TRMT10C: variants seen among roughly 807,000 people sequenced by gnomAD.
TRMT10C encodes tRNA methyltransferase 10C, mitochondrial RNase P subunit.
A neutral mutation model predicts 27.4 loss-of-function variants in TRMT10C; 14 were observed. That is an observed-to-expected ratio of 0.51 (90% CI 0.34 to 0.80). The LOEUF is 0.80. Ranked by LOEUF, TRMT10C falls within the 30% of genes least tolerant of loss-of-function variation. TRMT10C has a pLI of 0.02. For missense variants in TRMT10C, 438 were observed against 464.8 expected, an observed-to-expected ratio of 0.94 and a Z score of 0.53; for synonymous variants, 143 against 155.9, an observed-to-expected ratio of 0.92 and a Z score of 0.62.
Position 101,565,520 on chromosome 3 carries a change from A to G in TRMT10C, c.739A>G (p.Asn247Asp). The change falls in exon 2 of 2, where the codon AAT becomes GAT. Residue 247 changes from asparagine to aspartate, a missense_variant. Physicochemically the swap from Asn to Asp is conservative, Grantham distance 23. Transcript: ENST00000309922. ...TGATCCTTTCCATATTTATTTCTGC[A>G]ATCTAAAAATAGATGGTGCTTTGCA... ...NVDPFHIYFCNLKIDGALHRE... is the reference protein window; with the variant it reads ...NVDPFHIYFCDLKIDGALHRE... 6.2e-7 allele frequency: 1 copy of G among 1,613,490 alleles called. No homozygotes were observed.
intron 1 of TRMT10C, among the ~76,000 whole-genome samples, chr3:101,563,865 T>C (rs893374355): frequency 6.6e-6 from 1 of 152,340 alleles, no homozygotes; most frequent in African/African-American, 2.4e-5. Context: ...ATTTTCTTTG[T>C]TAATAACATT....
Position 101,565,276 on chromosome 3 carries a change from G to C in TRMT10C, c.495G>C (p.Leu165=), listed in dbSNP as rs1397093603. 1.2e-6 allele frequency: 2 copies of C among 1,612,650 alleles called. No homozygotes were observed. Among genetic ancestry groups the C allele is most frequent in the African/African-American group, 1.3e-5 (1 of 74,868 alleles). ...GGGAAGAAGCAAAAAATATCAAGCT[G>C]CTAGAAACCACTGAGGAAGATAAAC... ...AAREEAKNIK[L]LETTEEDKQK... is the part of the protein sequence containing the mutation. Residue 165 remains leucine, a synonymous_variant, in exon 2 of 2, where the codon CTG becomes CTC. Transcript: ENST00000309922.
Position 101,565,059 on chromosome 3 carries a change from C to T in TRMT10C, c.278C>T (p.Ala93Val), listed in dbSNP as rs1221441679. 3.7e-6 allele frequency: 6 copies of T among 1,613,808 alleles called. No homozygotes were observed. In the South Asian group the frequency reaches 4.4e-5, roughly 12 times the overall value. ...AGTAAGGATGAAGATCCTCTAGCTG[C>T]CACCAGAGAGTTCATTGAGATGTGG... ...SSSKDEDPLAATREFIEMWRL... is the reference protein window; with the variant it reads ...SSSKDEDPLAVTREFIEMWRL... Residue 93 changes from alanine to valine, a missense_variant, in exon 2 of 2, where the codon GCC becomes GTC. Ala to Val is a moderately conservative substitution (Grantham distance 64). Transcript: ENST00000309922.
chr3:101,565,723 T>TA lies in TRMT10C; in HGVS notation c.944dup (p.Ser316GlufsTer19). On this transcript the variant is annotated frameshift_variant, in exon 2 of 2. Coordinates refer to ENST00000309922, the MANE Select transcript of TRMT10C (RefSeq NM_017819.4). LOFTEE classifies it high-confidence loss of function. ...TTTATGTAATTGGGTCTTTTGTTGA[T>TA]AAGAGTATGCAGCCAGGCACATCCC... is the stretch of plus-strand genomic sequence containing the variant. The TA allele has an allele frequency of 6.2e-7, 1 of 1,614,200 alleles. No homozygotes were observed. Among genetic ancestry groups the TA allele is most frequent in the African/African-American group, 1.3e-5 (1 of 75,060 alleles).
In TRMT10C at chr3:101,565,427, A is replaced by C. The variant is rs1934494900; in HGVS notation, c.646A>C (p.Lys216Gln). 2 of 1,614,084 alleles carry C rather than the reference A, an allele frequency of 1.2e-6. No homozygotes were observed. Among genetic ancestry groups the C allele is most frequent in the Non-Finnish European group, 1.7e-6 (2 of 1,180,030 alleles). ...VFDMAYENYMKRKELQNTVSQ... is the reference protein window; with the variant it reads ...VFDMAYENYMQRKELQNTVSQ... Reference sequence around the variant, plus strand: ...TGACATGGCTTACGAAAATTATATGAAACGAAAAGAATTGCAGAATACTGT... The same window carrying C: ...TGACATGGCTTACGAAAATTATATGCAACGAAAAGAATTGCAGAATACTGT... Residue 216 changes from lysine to glutamine, a missense_variant, in exon 2 of 2, where the codon AAA becomes CAA. Transcript: ENST00000309922.
At position 101,564,825 on chromosome 3, in the gene TRMT10C, G is replaced by A; in HGVS notation, c.44G>A (p.Arg15Lys). 2 of 1,609,376 alleles carry A rather than the reference G, an allele frequency of 1.2e-6. No homozygotes were observed. Among genetic ancestry groups the A allele is most frequent in the Non-Finnish European group, 1.7e-6 (2 of 1,177,260 alleles). Residue 15 changes from arginine (R) to lysine (K), a missense_variant, in exon 2 of 2, where the codon AGA (arginine) becomes AAA (lysine). By Grantham distance (26) the Arg-to-Lys change is conservative (BLOSUM62 2). This residue lies in a region of TRMT10C where 350 missense variants were observed against 370.5 expected (regional missense o/e 0.94). Coordinates refer to ENST00000309922, the MANE Select transcript of TRMT10C (RefSeq NM_017819.4). The stretch of plus-strand genomic sequence containing the variant: ...ATGAGTGTTAGTGTCAATTTCTTCA[G>A]ACCTTTCACCAGGTTTTTGGTGCCA... ...LKMSVSVNFF[R>K]PFTRFLVPFT... is the part of the protein sequence containing the mutation.
Position 101,564,556 on chromosome 3 carries a change from G to A in TRMT10C, c.-12-214G>A, listed in dbSNP as rs527775258. Among the ~76,000 whole-genome samples the A allele has an allele frequency of 1.7e-4, 26 of 152,082 alleles. No individual in the cohort carries two copies. In the East Asian group the frequency reaches 4.3e-3, roughly 25 times the overall value. ...ATTACAGGCATGAGCCACTGCGCCC[G>A]GCCAAGAACCCAACTAAGTTTTAAA... is the stretch of plus-strand genomic sequence containing the variant. On this transcript the variant is annotated intron_variant, in intron 1 of 1. Coordinates refer to ENST00000309922, the MANE Select transcript of TRMT10C (RefSeq NM_017819.4).
At position 101,565,924 on chromosome 3, in the gene TRMT10C, T is replaced by A; in HGVS notation, c.1143T>A (p.His381Gln). 3 of 1,613,720 alleles carry A rather than the reference T, an allele frequency of 1.9e-6. No individual in the cohort carries two copies. The highest frequency in any genetic ancestry group is 2.5e-6 in the Non-Finnish European group (3 of 1,179,760). The change falls in exon 2 of 2, where the codon CAT (histidine) becomes CAA (glutamine). Residue 381 changes from histidine to glutamine, a missense_variant. Physicochemically the swap from His to Gln is conservative, Grantham distance 24. This residue lies in a region of TRMT10C where 84 missense variants were observed against 76.5 expected (regional missense o/e 1.10). Transcript: ENST00000309922. The stretch of plus-strand genomic sequence containing the variant: ...TGCAATTCGTTCCCAAGAGAAAACA[T>A]ACTGGTTTTCTGGAGATTTCTCAGC... ...EALQFVPKRK[H>Q]TGFLEISQHS...
Position 101,565,161 on chromosome 3 carries a change from C to T in TRMT10C, c.380C>T (p.Thr127Ile). The T allele has an allele frequency of 6.4e-7, 1 of 1,552,998 alleles. No homozygotes were observed. The highest frequency in any genetic ancestry group is 8.7e-7 in the Non-Finnish European group (1 of 1,155,370). ...ACCCTTATGGAATGTGTTTCTAACA[C>T]AGCAAAAAAAAAATATTTAAAATAT... ...LKTLMECVSN[T>I]AKKKYLKYLY... is the part of the protein sequence containing the mutation. Residue 127 changes from threonine (T) to isoleucine (I), a missense_variant, in exon 2 of 2, where the codon ACA becomes ATA. By Grantham distance (89) the Thr-to-Ile change is moderately conservative. This residue lies in a region of TRMT10C where 350 missense variants were observed against 370.5 expected (regional missense o/e 0.94). Coordinates refer to ENST00000309922, the MANE Select transcript of TRMT10C (RefSeq NM_017819.4).
At position 101,565,483 on chromosome 3, in the gene TRMT10C, CA is replaced by C; in HGVS notation, c.703del (p.Arg235GlufsTer14). The C allele has an allele frequency of 6.2e-7, 1 of 1,613,984 alleles. No individual in the cohort carries two copies. The highest frequency in any genetic ancestry group is 8.5e-7 in the Non-Finnish European group (1 of 1,179,926). ...SQLLESEGWN[R>X]RNVDPFHIYF... ...AGCTTTTAGAAAGTGAAGGATGGAA[CA>C]GAAGAAATGTTGATCCTTTCCATAT... On this transcript the variant is annotated frameshift_variant, in exon 2 of 2. Coordinates refer to ENST00000309922, the MANE Select transcript of TRMT10C (RefSeq NM_017819.4). LOFTEE classifies it high-confidence loss of function.
At position 101,565,996 on chromosome 3, in the gene TRMT10C, CAT is replaced by C; in HGVS notation, c.*4_*5del. On this transcript the variant is annotated 3_prime_UTR_variant, in exon 2 of 2. Transcript: ENST00000309922. Reference sequence around the variant, plus strand: ...GACTAAAGAAGGCAAAGACTTAATTCATTTTCAAAAGGTTCTCTGAATGTGCA... The same window carrying C: ...GACTAAAGAAGGCAAAGACTTAATTCTTTCAAAAGGTTCTCTGAATGTGCA... 1.3e-6 allele frequency: 2 copies of C among 1,582,790 alleles called. No individual in the cohort carries two copies. The highest frequency in any genetic ancestry group is 1.7e-6 in the Non-Finnish European group (2 of 1,166,010).
chr3:101,562,740 C>T (rs899254142), intron 1 of TRMT10C, among the ~76,000 whole-genome samples: 1 of 150,346 alleles, frequency 6.7e-6, no homozygotes, highest in Non-Finnish European at 1.5e-5. Context: ...AAAATATTTG[C>T]GTGATTACTG....
At chr3:101,563,168 T>C (rs1240041519) in intron 1 of TRMT10C, among the ~76,000 whole-genome samples, 1 of 152,068 alleles carries the variant, frequency 6.6e-6, no homozygotes, top group Non-Finnish European at 1.5e-5. Context: ...CTGCAACAGA[T>C]TTTGTTGCAA....
At position 101,565,957 on chromosome 3, in the gene TRMT10C, A is replaced by G. The variant is rs975391257; in HGVS notation, c.1176A>G (p.Gln392=). 6.2e-7 allele frequency: 1 copy of G among 1,612,522 alleles called. No individual in the cohort carries two copies. The change falls in exon 2 of 2, where the codon CAA becomes CAG. Residue 392 remains glutamine (Q), a synonymous_variant. Transcript: ENST00000309922. ...TTCTGGAGATTTCTCAGCATTCTCA[A>G]GAGTTTATCAACAGACTAAAGAAGG... The part of the protein sequence containing the change: ...TGFLEISQHS[Q]EFINRLKKAK...
At position 101,561,923 on chromosome 3, in the gene TRMT10C, G is replaced by C. The variant is rs1437773256; in HGVS notation, c.-93G>C. ...CGTGCTAGCTTCGGCGCGGATCCCT[G>C]GGCGTCCGTACGTCGGAGTCCTTCG... On this transcript the variant is annotated 5_prime_UTR_variant, in exon 1 of 2. Coordinates refer to ENST00000309922, the MANE Select transcript of TRMT10C (RefSeq NM_017819.4). 2.6e-5 allele frequency: 4 copies of C among 152,906 alleles called. No individual in the cohort carries two copies. The highest frequency in any genetic ancestry group is 7.2e-5 in the African/African-American group (3 of 41,464). The allele number at this position is 152,906 out of a possible 1,614,324, so 9.5% of individuals were successfully genotyped here. A position where few individuals can be genotyped will look rare whatever the true frequency, so the allele number is the denominator to read the frequency against.
At position 101,566,146 on chromosome 3, in the gene TRMT10C, C is replaced by A; in HGVS notation, c.*153C>A. On this transcript the variant is annotated 3_prime_UTR_variant, in exon 2 of 2. Coordinates refer to ENST00000309922, the MANE Select transcript of TRMT10C (RefSeq NM_017819.4). Reference sequence around the variant, plus strand: ...TTTCTCTTCTAAAGGTAGTCTTTCCCAACTGACTGTAGGGTTGTGTCTTTT... The same window carrying A: ...TTTCTCTTCTAAAGGTAGTCTTTCCAAACTGACTGTAGGGTTGTGTCTTTT... The A allele has an allele frequency of 1.2e-6, 1 of 845,370 alleles. No individual in the cohort carries two copies. Among genetic ancestry groups the A allele is most frequent in the Non-Finnish European group, 1.8e-6 (1 of 559,682 alleles). The allele number at this position is 845,370 out of a possible 1,614,324, so 52.4% of individuals were successfully genotyped here.
rs1339468849 is a variant in TRMT10C at position 101,565,000 on chromosome 3, T to C, written c.219T>C (p.Ser73=). The C allele has an allele frequency of 1.2e-6, 2 of 1,613,832 alleles. No individual in the cohort carries two copies. Among genetic ancestry groups the C allele is most frequent in the African/African-American group, 1.3e-5 (1 of 74,850 alleles). ...LDKWKTTMKS[S]VQEECVSTIS... ...AGTGGAAAACTACCATGAAATCTAG[T>C]GTGCAAGAAGAATGTGTTTCAACAA... The change falls in exon 2 of 2, where the codon AGT becomes AGC. Residue 73 remains serine, a synonymous_variant. Transcript: ENST00000309922.
Position 101,565,780 on chromosome 3 carries a change from T to C in TRMT10C, c.999T>C (p.Thr333=), listed in dbSNP as rs1183668867. 1 of 1,614,142 alleles carries C rather than the reference T, an allele frequency of 6.2e-7. No homozygotes were observed. The highest frequency in any genetic ancestry group is 1.1e-5 in the South Asian group (1 of 91,088). ...AGGCAAAACGGCTGAACCTGGCAAC[T>C]GAATGCCTTCCATTAGATAAATATT... is the stretch of plus-strand genomic sequence containing the variant. ...LAKAKRLNLA[T]ECLPLDKYLQ... Residue 333 remains threonine, a synonymous_variant, in exon 2 of 2, where the codon ACT becomes ACC. Coordinates refer to ENST00000309922, the MANE Select transcript of TRMT10C (RefSeq NM_017819.4).
rs1175257935 is a variant in TRMT10C, at chr3:101,565,131, T to C, written c.350T>C (p.Leu117Pro). Residue 117 changes from leucine to proline, a missense_variant, in exon 2 of 2, where the codon CTC becomes CCC. Transcript: ENST00000309922. ...EVPEHITEEE[L>P]KTLMECVSNT... ...CCAGAACACATCACTGAAGAAGAGC[T>C]CAAAACCCTTATGGAATGTGTTTCT... 1.2e-6 allele frequency: 2 copies of C among 1,611,802 alleles called. No homozygotes were observed. The highest frequency in any genetic ancestry group is 1.3e-5 in the African/African-American group (1 of 74,476).
Sources: gnomAD v4.1 joint callset for allele counts (sites outside exome capture counted in the v4.1 genomes callset) on GRCh38, gnomAD v4.1.1 for gene constraint, gnomAD v4.1.1 regional missense constraint, MANE v1.5 for transcripts, NCBI Gene and HGNC (gene_info 2026-07-23, HGNC 2026-07-21) for gene names.